Variants in TXLNB observed in about 807,000 individuals in gnomAD.
TXLNB encodes the protein beta-taxilin.
TXLNB carries 37 observed loss-of-function variants against 57.4 expected under a neutral mutation model. The observed-to-expected ratio is 0.64, with a 90% CI of 0.50 to 0.85. The LOEUF (loss-of-function observed/expected upper bound fraction) is 0.85, where lower values mean the gene tolerates loss of function less well. Ranked by LOEUF, TXLNB falls within the 40% of genes least tolerant of loss-of-function variation. The pLI, the probability that TXLNB is intolerant of heterozygous loss-of-function variation, is 0.00. For synonymous variants in TXLNB, 302 were observed against 309.6 expected (o/e 0.98, Z 0.26); for missense variants, 848 against 825.6 (o/e 1.03, Z -0.33).
the TXLNB span, among the ~76,000 whole-genome samples, chr6:139,309,260 C>T: frequency 6.6e-6 from 1 of 152,192 alleles, no homozygotes; most frequent in Non-Finnish European, 1.5e-5. Context: ...TTATATGATT[C>T]CTTACCATTT....
chr6:139,318,487 C>T, the TXLNB span, among the ~76,000 whole-genome samples: 1 of 150,198 alleles, frequency 6.7e-6, no homozygotes. Flanking sequence ...AAAACTGACA[C>T]AAGATATCAA....
intron 8 of TXLNB, 99 bp from the exon 9 acceptor site, chr6:139,244,789 C>G (rs1776033226): frequency 5.3e-6 from 4 of 760,790 alleles, no homozygotes; most frequent in Non-Finnish European, 9.1e-6. Context: ...CCTTTTGTTA[C>G]CAGATGCTGA....
Position 139,272,168 on chromosome 6 carries a change from G to A in TXLNB, c.517-1542C>T, listed in dbSNP as rs1258309064. On this transcript the variant is annotated intron_variant, in intron 3 of 9. Coordinates refer to ENST00000358430, the MANE Select transcript of TXLNB (RefSeq NM_153235.4). ...CTAAAAATACATAAATTAGCCGGGC[G>A]TGGTGGTATGCACCTGTAATCCCAG... Among the ~76,000 whole-genome samples, 9 of 152,132 alleles carry A rather than the reference G, an allele frequency of 5.9e-5. No homozygotes were observed. The East Asian group carries it at 9.6e-4, about 16-fold the overall frequency.
rs112107073 is a variant in TXLNB at position 139,272,851 on chromosome 6, T to C, written c.517-2225A>G. On this transcript the variant is annotated intron_variant, in intron 3 of 9. Transcript: ENST00000358430. ...GAGATGGAGACCAGCCTGGCCAACATGGTGAAACCTCATCTCTACTAAAAA... is the reference window on the plus strand; with the variant it reads ...GAGATGGAGACCAGCCTGGCCAACACGGTGAAACCTCATCTCTACTAAAAA... Among the ~76,000 whole-genome samples, 50 of 152,206 alleles carry C rather than the reference T, an allele frequency of 3.3e-4. 1 individual carries two copies. Among genetic ancestry groups the C allele is most frequent in the South Asian group, 1.7e-3 (8 of 4,820 alleles).
Position 139,270,547 on chromosome 6 carries a change from T to C in TXLNB, c.596A>G (p.Gln199Arg). 1.2e-6 allele frequency: 2 copies of C among 1,614,196 alleles called. No homozygotes were observed. The highest frequency in any genetic ancestry group is 1.7e-6 in the Non-Finnish European group (2 of 1,179,998). ...KQVQIQKEKD[Q>R]LQGEHSRAIL... ...AGCTCTGCTGTGTTCACCTTGTAAC[T>C]GGTCCTTTTCTTTTTGAATTTGTAC... is the stretch of plus-strand genomic sequence containing the variant. The change falls in exon 4 of 10, where the codon CAG becomes CGG. Residue 199 changes from glutamine (Q) to arginine (R), a missense_variant. Gln to Arg is a conservative substitution (Grantham distance 43). Transcript: ENST00000358430.
rs765159480 is a variant in TXLNB at position 139,288,812 on chromosome 6, G to T, written c.88C>A (p.Leu30Met). Residue 30 changes from leucine (L) to methionine (M), a missense_variant, in exon 2 of 10, where the codon CTG becomes ATG. Coordinates refer to ENST00000358430, the MANE Select transcript of TXLNB (RefSeq NM_153235.4). ...DSSSLPSHNG[L>M]EKEDGQDSPT... is the part of the protein sequence containing the mutation. Reference sequence around the variant, plus strand: ...GAATCCTGGCCATCTTCCTTCTCCAGGCCATTGTGACTGGGTAATGATGAA... The same window carrying T: ...GAATCCTGGCCATCTTCCTTCTCCATGCCATTGTGACTGGGTAATGATGAA... 6.2e-7 allele frequency: 1 copy of T among 1,614,224 alleles called. No individual in the cohort carries two copies. Among genetic ancestry groups the T allele is most frequent in the South Asian group, 1.1e-5 (1 of 91,088 alleles).
At chr6:139,317,904 T>C in the TXLNB span, among the ~76,000 whole-genome samples, 1 of 152,100 alleles carries the variant, frequency 6.6e-6, no homozygotes, top group African/African-American at 2.4e-5. Context: ...ATTGTGAGAA[T>C]TTTTTAAAAA....
chr6:139,235,270 G>A (rs1240657910), downstream of TXLNB, among the ~76,000 whole-genome samples: 3 of 152,324 alleles, frequency 2.0e-5, no homozygotes, highest in East Asian at 5.8e-4. Context: ...TGGATGTCAA[G>A]AGGAACACAT....
At chr6:139,314,669 C>CT in the TXLNB span, among the ~76,000 whole-genome samples, 8,309 of 152,298 alleles carry the variant, frequency 0.055, 280 homozygotes, top group Admixed American at 0.082. Context: ...AGAGTTGCCT[C>CT]TTTTCCATTG....
the TXLNB span, chr6:139,179,101 G>A: frequency 6.6e-6 from 1 of 152,162 alleles, no homozygotes; most frequent in Admixed American, 6.5e-5. Flanking sequence ...GCAACTAAAA[G>A]AGGATTGTAA....
the TXLNB span, among the ~76,000 whole-genome samples, chr6:139,299,824 G>GAA: frequency 1.4e-5 from 2 of 147,982 alleles, no homozygotes; most frequent in African/African-American, 5.0e-5. Flanking sequence ...GACATTTGAT[G>GAA]AAAAAAAAAA....
chr6:139,172,455 G>A, the TXLNB span, among the ~76,000 whole-genome samples: 1 of 152,058 alleles, frequency 6.6e-6, no homozygotes, highest in Non-Finnish European at 1.5e-5. Context: ...TCTGGACTTC[G>A]TTTGCTCTCT....
At chr6:139,235,460 G>A (rs1247436320), downstream of TXLNB, among the ~76,000 whole-genome samples, 1 of 152,152 alleles carries the variant, frequency 6.6e-6, no homozygotes, top group East Asian at 1.9e-4. Context: ...TAAAATGTGA[G>A]GACATGAGAT....
chr6:139,271,425 AC>A (rs531014841), intron 3 of TXLNB: 69 of 152,318 alleles, frequency 4.5e-4, no homozygotes, highest in African/African-American at 1.5e-3. Flanking sequence ...CTGCCTTGGA[AC>A]ATGAAACCAA....
the TXLNB span, among the ~76,000 whole-genome samples, chr6:139,200,688 C>G: frequency 6.6e-6 from 1 of 152,066 alleles, no homozygotes; most frequent in African/African-American, 2.4e-5. Flanking sequence ...GGTGGGATGT[C>G]TCCATTAGGT....
At chr6:139,294,979 ACT>A (rs1777364764), upstream of TXLNB, among the ~76,000 whole-genome samples, 1 of 150,560 alleles carries the variant, frequency 6.6e-6, no homozygotes, top group African/African-American at 2.5e-5. Flanking sequence ...ACAGAGCAAG[ACT>A]CTGTCTCAAA....
chr6:139,270,644 C>T lies in TXLNB; in HGVS notation c.517-18G>A, dbSNP rs1776738589. ...TCATCCAGCTGTACACATGGAGATACAAACATGAAAGAAAATGGCAGGGAT... is the reference window on the plus strand; with the variant it reads ...TCATCCAGCTGTACACATGGAGATATAAACATGAAAGAAAATGGCAGGGAT... On this transcript the variant is annotated intron_variant, in intron 3 of 9. Coordinates refer to ENST00000358430, the MANE Select transcript of TXLNB (RefSeq NM_153235.4). 1.2e-6 allele frequency: 2 copies of T among 1,610,908 alleles called. No homozygotes were observed. The highest frequency in any genetic ancestry group is 1.7e-6 in the Non-Finnish European group (2 of 1,178,538).
Position 139,243,006 on chromosome 6 carries a change from G to A in TXLNB, c.1575C>T (p.Pro525=), listed in dbSNP as rs778802999. Residue 525 remains proline, a synonymous_variant, in exon 10 of 10, where the codon CCC becomes CCT. Transcript: ENST00000358430. ...STPHQSKETQ[P]EIGSSQESAD... ...CACTCTCCTGAGAACTGCCTATTTCGGGTTGGGTTTCTTTGGACTGGTGCG... is the reference window on the plus strand; with the variant it reads ...CACTCTCCTGAGAACTGCCTATTTCAGGTTGGGTTTCTTTGGACTGGTGCG... 1 of 1,614,108 alleles carries A rather than the reference G, an allele frequency of 6.2e-7. No individual in the cohort carries two copies. Among genetic ancestry groups the A allele is most frequent in the Non-Finnish European group, 8.5e-7 (1 of 1,180,028 alleles).
At chr6:139,181,001 C>G in the TXLNB span, among the ~76,000 whole-genome samples, 1 of 152,192 alleles carries the variant, frequency 6.6e-6, no homozygotes, top group African/African-American at 2.4e-5. Flanking sequence ...CACATGTAAA[C>G]TCACTTTGCA....
Sources: gnomAD v4.1 joint callset for allele counts (sites outside exome capture counted in the v4.1 genomes callset) on GRCh38, gnomAD v4.1.1 for gene constraint, MANE v1.5 for transcripts, NCBI Gene and HGNC (gene_info 2026-07-23, HGNC 2026-07-21) for gene names.